Variants in GDAP1L1 observed in about 807,000 individuals in gnomAD.
The protein encoded by GDAP1L1 is ganglioside induced differentiation associated protein 1 like 1.
In GDAP1L1, 21 loss-of-function variants were observed where a neutral mutation model predicts 37.1. The ratio of observed to expected loss-of-function variants is 0.57; its 90% CI spans 0.40 to 0.81. The LOEUF (loss-of-function observed/expected upper bound fraction) is 0.81, where lower values mean the gene tolerates loss of function less well. Among genes scored for constraint, GDAP1L1 ranks in the 40% least tolerant of loss-of-function variants. The pLI is 0.00. For missense variants in GDAP1L1, 362 were observed against 491.6 expected (o/e 0.74, Z 2.49); for synonymous variants, 193 against 209.1 (o/e 0.92, Z 0.67).
Position 44,275,299 on chromosome 20 carries a change from T to C in GDAP1L1, c.761-3658T>C, listed in dbSNP as rs62205993. 7.4e-3 allele frequency among the ~76,000 whole-genome samples: 1,127 copies of C among 152,268 alleles called. 16 individuals are homozygous for C. Among genetic ancestry groups the C allele is most frequent in the East Asian group, 0.052 (268 of 5,174 alleles). On this transcript the variant is annotated intron_variant, in intron 5 of 5. Coordinates refer to ENST00000342560, the MANE Select transcript of GDAP1L1 (RefSeq NM_024034.6). Reference sequence around the variant, plus strand: ...ACTATGAGCCTCTTGAGGGGAGACATTGTATTGTGTCGTGTCTTCATGCCC... The same window carrying C: ...ACTATGAGCCTCTTGAGGGGAGACACTGTATTGTGTCGTGTCTTCATGCCC...
chr20:44,258,703 G>C (rs2073613307), intron 3 of GDAP1L1, 96 bp downstream of exon 3: 1 of 858,408 alleles, frequency 1.2e-6, no homozygotes, highest in Non-Finnish European at 1.8e-6. Context: ...GCCTCTCTCT[G>C]TCCTCCCCTT....
rs1490783334 is a variant in GDAP1L1, at chr20:44,257,305, T to C, written c.333T>C (p.Tyr111=). Residue 111 remains tyrosine, a synonymous_variant, in exon 2 of 6, where the codon TAT becomes TAC. Transcript: ENST00000342560. ...IIHRDNIISD[Y]DQIIDYVERT... is the part of the protein sequence containing the mutation. ...ACCGCGACAACATCATCAGTGACTA[T>C]GACCAGATCATTGACTATGTGGAGC... 1 of 1,614,040 alleles carries C rather than the reference T, an allele frequency of 6.2e-7. No individual in the cohort carries two copies. The highest frequency in any genetic ancestry group is 8.5e-7 in the Non-Finnish European group (1 of 1,179,980).
chr20:44,264,718 G>C (rs2073734655), intron 5 of GDAP1L1, 159 bp downstream of exon 5: 1 of 1,429,328 alleles, frequency 7.0e-7, no homozygotes, highest in African/African-American at 1.4e-5. Flanking sequence ...GTCATAACTT[G>C]GCCACTTCCT....
At chr20:44,273,372 G>GACA (rs2062540525) in intron 5 of GDAP1L1, among the ~76,000 whole-genome samples, 1 of 152,142 alleles carries the variant, frequency 6.6e-6, no homozygotes, top group South Asian at 2.1e-4. Context: ...CCCTGGGCCT[G>GACA]TTCTCTGATC....
rs867830444 is a variant in GDAP1L1, at chr20:44,247,953, T to C, written c.180+439T>C. On this transcript the variant is annotated intron_variant, in intron 1 of 5. Coordinates refer to ENST00000342560, the MANE Select transcript of GDAP1L1 (RefSeq NM_024034.6). Reference sequence around the variant, plus strand: ...CCCCTCTCAGTCGCTCCCTGCACGCTGCCGTCCCGGACACTGCAGGCCCCC... The same window carrying C: ...CCCCTCTCAGTCGCTCCCTGCACGCCGCCGTCCCGGACACTGCAGGCCCCC... Among the ~76,000 whole-genome samples the C allele has an allele frequency of 2.0e-5, 3 of 152,074 alleles. No homozygotes were observed. The South Asian group carries it at 6.2e-4, about 31-fold the overall frequency.
At chr20:44,252,358 G>T (rs2073461157) in intron 1 of GDAP1L1, among the ~76,000 whole-genome samples, 2 of 152,182 alleles carry the variant, frequency 1.3e-5, no homozygotes, top group African/African-American at 2.4e-5. Flanking sequence ...TAAAAATACA[G>T]GCTGGGCGTG....
chr20:44,249,799 T>A (rs903799831), intron 1 of GDAP1L1, among the ~76,000 whole-genome samples: 5 of 152,264 alleles, frequency 3.3e-5, no homozygotes, highest in African/African-American at 1.2e-4. Context: ...CTAGAAGCAG[T>A]GTAGCTTGGC....
At chr20:44,255,847 T>C (rs895683651) in intron 1 of GDAP1L1, among the ~76,000 whole-genome samples, 2 of 152,144 alleles carry the variant, frequency 1.3e-5, no homozygotes, top group Admixed American at 6.5e-5. Flanking sequence ...CCAGGGGATC[T>C]TGGACAAGCC....
intron 3 of GDAP1L1, among the ~76,000 whole-genome samples, chr20:44,261,380 T>C (rs547891541): frequency 4.1e-4 from 62 of 152,274 alleles, no homozygotes; most frequent in Non-Finnish European, 8.5e-4. Flanking sequence ...TGGGAGTGCG[T>C]TTACTGGGAT....
At chr20:44,250,784 C>A (rs2073424991) in intron 1 of GDAP1L1, among the ~76,000 whole-genome samples, 2 of 152,154 alleles carry the variant, frequency 1.3e-5, no homozygotes, top group African/African-American at 2.4e-5. Context: ...TGTTCCTGCC[C>A]CCAGCCTCCT....
At chr20:44,253,691 G>A (rs1600529364) in intron 1 of GDAP1L1, among the ~76,000 whole-genome samples, 3 of 152,346 alleles carry the variant, frequency 2.0e-5, no homozygotes, top group Admixed American at 2.0e-4. Flanking sequence ...ATGGCAGATG[G>A]CCTTGGTAGC....
chr20:44,264,560 G>T lies in GDAP1L1; in HGVS notation c.760+1G>T. The T allele has an allele frequency of 6.2e-7, 1 of 1,610,658 alleles. No homozygotes were observed. The highest frequency in any genetic ancestry group is 8.5e-7 in the Non-Finnish European group (1 of 1,177,962). On this transcript the variant is annotated splice_donor_variant, in intron 5 of 5. Transcript: ENST00000342560. LOFTEE classifies it high-confidence loss of function. ...GAGAAGAGGAAGCTGGAGAACGAGG[G>T]TGGGTGCCAGCCCTGGGGGAGGTGG...
Position 44,276,440 on chromosome 20 carries a change from G to GAAAGAA in GDAP1L1, c.761-2515_761-2510dup, listed in dbSNP as rs1555801185. Among the ~76,000 whole-genome samples the GAAAGAA allele has an allele frequency of 2.9e-5, 4 of 138,996 alleles. No individual in the cohort carries two copies. In the South Asian group the frequency reaches 1.1e-3, roughly 38 times the overall value. The allele number at this position is 138,996 out of a possible 152,430, so 91.2% of individuals were successfully genotyped here. A position where few individuals can be genotyped will look rare whatever the true frequency, so the allele number is the denominator to read the frequency against. On this transcript the variant is annotated intron_variant, in intron 5 of 5. Coordinates refer to ENST00000342560, the MANE Select transcript of GDAP1L1 (RefSeq NM_024034.6). ...AGAAAGAAAGAAAGAAAGAAAGAAA[G>GAAAGAA]AAAGAAAGAAAGAAAGAAAGAAAGA... is the stretch of plus-strand genomic sequence containing the variant.
rs564539320 is a variant in GDAP1L1, at chr20:44,250,883, T to G, written c.180+3369T>G. ...TTCTAGTGCTGCCAGTCCCACTAAC[T>G]GGCTGTGTGACCTGACCCTCTCTGG... is the stretch of plus-strand genomic sequence containing the variant. On this transcript the variant is annotated intron_variant, in intron 1 of 5. Coordinates refer to ENST00000342560, the MANE Select transcript of GDAP1L1 (RefSeq NM_024034.6). Among the ~76,000 whole-genome samples the G allele has an allele frequency of 1.1e-3, 160 of 152,244 alleles. 1 individual carries two copies. Among genetic ancestry groups the G allele is most frequent in the African/African-American group, 3.5e-3 (147 of 41,532 alleles).
chr20:44,252,021 C>G (rs1050982583), intron 1 of GDAP1L1, among the ~76,000 whole-genome samples: 2 of 152,196 alleles, frequency 1.3e-5, no homozygotes, highest in Non-Finnish European at 2.9e-5. Context: ...ATGAAAATAT[C>G]TGATTCCTAG....
chr20:44,267,839 G>A (rs1187497116), intron 5 of GDAP1L1, among the ~76,000 whole-genome samples: 1 of 152,170 alleles, frequency 6.6e-6, no homozygotes. Flanking sequence ...TTCCTTGTGG[G>A]ATTCCTAGGC....
chr20:44,258,724 C>A, intron 3 of GDAP1L1, 117 bp downstream of exon 3: 2 of 737,158 alleles, frequency 2.7e-6, no homozygotes, highest in South Asian at 3.6e-5. Flanking sequence ...CCTCCTCCTT[C>A]TCTCCCTCTT....
intron 3 of GDAP1L1, among the ~76,000 whole-genome samples, chr20:44,258,857 C>T (rs2073133): frequency 0.083 from 12,649 of 151,964 alleles, 982 homozygotes; most frequent in East Asian, 0.31. Context: ...CCTTCACCCC[C>T]GACTTCCCGG....
At chr20:44,276,441 AAAGAAAG>A (rs1444229827) in intron 5 of GDAP1L1, among the ~76,000 whole-genome samples, 6 of 149,990 alleles carry the variant, frequency 4.0e-5, no homozygotes, top group Non-Finnish European at 8.9e-5. Flanking sequence ...AGAAAGAAAG[AAAGAAAG>A]AAAGAAAGAA....
Sources: gnomAD v4.1 joint callset for allele counts (sites outside exome capture counted in the v4.1 genomes callset) on GRCh38, gnomAD v4.1.1 for gene constraint, MANE v1.5 for transcripts, NCBI Gene and HGNC (gene_info 2026-07-23, HGNC 2026-07-21) for gene names.